Variants in STIM2 observed in about 807,000 individuals in gnomAD.
The protein encoded by STIM2 is stromal interaction molecule 2.
In STIM2, 31 loss-of-function variants were observed where a neutral mutation model predicts 85.8. The observed-to-expected ratio is 0.36, with a 90% CI of 0.27 to 0.49. The LOEUF (loss-of-function observed/expected upper bound fraction) is 0.49. Ranked by LOEUF, STIM2 falls within the 20% of genes least tolerant of loss-of-function variation. STIM2 has a pLI of 0.98. For missense variants in STIM2, 841 were observed against 927.6 expected, an observed-to-expected ratio of 0.91 and a Z score of 1.21; for synonymous variants, 356 against 331.1, an observed-to-expected ratio of 1.08 and a Z score of -0.82.
At chr4:27,004,552 T>C (rs1728270426) in intron 7 of STIM2, among the ~76,000 whole-genome samples, 1 of 152,098 alleles carries the variant, frequency 6.6e-6, no homozygotes, top group Non-Finnish European at 1.5e-5. Context: ...GGAATTCTTC[T>C]ACAGAGATAT....
At chr4:26,895,522 A>G (rs1723667087) in intron 1 of STIM2, among the ~76,000 whole-genome samples, 1 of 152,150 alleles carries the variant, frequency 6.6e-6, no homozygotes, top group African/African-American at 2.4e-5. Context: ...AACTTTTTTT[A>G]GTATGGCTAG....
chr4:26,928,468 C>T (rs899727059), intron 2 of STIM2, among the ~76,000 whole-genome samples: 1 of 152,150 alleles, frequency 6.6e-6, no homozygotes, highest in African/African-American at 2.4e-5. Flanking sequence ...TAATTGATTG[C>T]ATTATAATTC....
chr4:26,874,243 G>T, intron 1 of STIM2: 2 of 432,942 alleles, frequency 4.6e-6, no homozygotes, highest in Non-Finnish European at 4.6e-6. Context: ...GGGGTCTCCT[G>T]GATGGCTGGC....
At chr4:26,972,835 C>G (rs1385172732) in intron 3 of STIM2, among the ~76,000 whole-genome samples, 1 of 152,136 alleles carries the variant, frequency 6.6e-6, no homozygotes, top group Non-Finnish European at 1.5e-5. Context: ...CTCTTTGTAC[C>G]TCTGGTAGAA....
intron 1 of STIM2, among the ~76,000 whole-genome samples, chr4:26,885,859 A>ATATGTGTATATATATATATATATG (rs1553845027): frequency 3.4e-5 from 3 of 89,430 alleles, no homozygotes; most frequent in Admixed American, 1.2e-4. Flanking sequence ...ATATATATAT[A>ATATGTGTATATATATATATATATG]TATATATATA....
chr4:26,984,311 C>T (rs905772652), intron 3 of STIM2, among the ~76,000 whole-genome samples: 7 of 152,178 alleles, frequency 4.6e-5, no homozygotes, highest in African/African-American at 1.7e-4. Flanking sequence ...GAATAAGAAA[C>T]ACTATCTGCA....
chr4:26,943,509 A>G (rs985858475), intron 2 of STIM2, among the ~76,000 whole-genome samples: 1 of 152,034 alleles, frequency 6.6e-6, no homozygotes, highest in South Asian at 2.1e-4. Flanking sequence ...CTCGCCTTTG[A>G]TAGGTTTCTT....
intron 2 of STIM2, among the ~76,000 whole-genome samples, chr4:26,935,405 A>AG (rs1177689705): frequency 1.3e-5 from 2 of 152,228 alleles, no homozygotes; most frequent in African/African-American, 4.8e-5. Context: ...GATATTAAAT[A>AG]GAAAAAGGTT....
chr4:26,861,483 C>G (rs887966601), intron 1 of STIM2, 114 bp downstream of exon 1: 2 of 1,228,884 alleles, frequency 1.6e-6, no homozygotes, highest in Non-Finnish European at 2.0e-6. Flanking sequence ...CCGGCCAGGG[C>G]GCGATGCGGA....
At chr4:26,919,664 G>T in intron 2 of STIM2, 30 bp downstream of exon 2, 1 of 1,609,746 alleles carries the variant, frequency 6.2e-7, no homozygotes, top group South Asian at 1.1e-5. Flanking sequence ...CCTTGCTATT[G>T]TCTTAGAACA....
intron 10 of STIM2, among the ~76,000 whole-genome samples, chr4:27,013,222 A>G (rs1728616811): frequency 6.8e-6 from 1 of 147,784 alleles, no homozygotes; most frequent in Admixed American, 6.7e-5. Flanking sequence ...TGGTCTGAAA[A>G]TAGTGAGTAG....
At chr4:27,020,918 T>C in intron 11 of STIM2, 3 of 1,287,964 alleles carry the variant, frequency 2.3e-6, no homozygotes, top group Non-Finnish European at 3.3e-6. Context: ...CTCTGTTCCC[T>C]TCTCACACTG....
chr4:26,898,796 G>C (rs892784817), intron 1 of STIM2, among the ~76,000 whole-genome samples: 5 of 151,866 alleles, frequency 3.3e-5, no homozygotes, highest in African/African-American at 9.7e-5. Flanking sequence ...TTTTAAAAAG[G>C]CATTTTATGC....
intron 5 of STIM2, among the ~76,000 whole-genome samples, chr4:27,001,330 G>A (rs113459232): frequency 2.4e-4 from 37 of 152,170 alleles, no homozygotes; most frequent in African/African-American, 8.2e-4. Flanking sequence ...AATCTGAATA[G>A]TGATTTCTGT....
intron 1 of STIM2, among the ~76,000 whole-genome samples, chr4:26,918,058 G>T (rs987049919): frequency 6.6e-5 from 10 of 152,056 alleles, no homozygotes; most frequent in Non-Finnish European, 1.2e-4. Context: ...ATATCACACA[G>T]AACTTATAAT....
intron 2 of STIM2, among the ~76,000 whole-genome samples, chr4:26,934,066 C>T (rs982848757): frequency 3.3e-5 from 5 of 152,104 alleles, no homozygotes; most frequent in East Asian, 3.9e-4. Context: ...TGGTGGCACG[C>T]GCCTGTAATC....
chr4:26,992,105 T>C (rs1204646069), intron 3 of STIM2, among the ~76,000 whole-genome samples: 1 of 152,088 alleles, frequency 6.6e-6, no homozygotes, highest in Admixed American at 6.6e-5. Context: ...ATTTCTTATG[T>C]AATGAAAAAT....
Position 27,008,677 on chromosome 4 carries a change from C to T in STIM2, c.1251-87C>T, listed in dbSNP as rs1482216514. The T allele has an allele frequency of 4.6e-6, 6 of 1,307,822 alleles. No individual in the cohort carries two copies. The East Asian group carries it at 1.4e-4, about 30-fold the overall frequency. 81.0% of individuals were successfully genotyped at this position (1,307,822 alleles called of 1,614,324 possible). A position where few individuals can be genotyped will look rare whatever the true frequency, so the allele number is the denominator to read the frequency against. On this transcript the variant is annotated intron_variant, in intron 9 of 11. Coordinates refer to ENST00000467087, the MANE Select transcript of STIM2 (RefSeq NM_020860.4). Reference sequence around the variant, plus strand: ...ATTTCTTCTTGAAATTAGTTAATTGCCATGGTCTGTTCATGTATTGCCTTT... The same window carrying T: ...ATTTCTTCTTGAAATTAGTTAATTGTCATGGTCTGTTCATGTATTGCCTTT...
chr4:26,969,053 T>C (rs1726834602), intron 3 of STIM2, among the ~76,000 whole-genome samples: 1 of 152,226 alleles, frequency 6.6e-6, no homozygotes, highest in African/African-American at 2.4e-5. Context: ...TGTGTCAGTT[T>C]ATGGATTGAA....
Sources: allele counts gnomAD v4.1 joint callset (sites outside exome capture counted in the v4.1 genomes callset), GRCh38; gene constraint gnomAD v4.1.1; transcripts MANE v1.5; gene names NCBI Gene and HGNC (gene_info 2026-07-23, HGNC 2026-07-21).